Variants in CDK14 observed in about 807,000 individuals in gnomAD.
CDK14 encodes cyclin-dependent kinase 14.
CDK14 carries 34 observed loss-of-function variants against 60.7 expected under a neutral mutation model. That is an observed-to-expected ratio of 0.56 (90% CI 0.43 to 0.75). CDK14 has a LOEUF of 0.75. CDK14 is among the 30% of genes least tolerant of loss of function. CDK14 has a pLI of 0.00. For synonymous variants in CDK14, 197 were observed against 203.7 expected (o/e 0.97, Z 0.28); for missense variants, 482 against 564.1 (o/e 0.85, Z 1.47).
At chr7:90,833,781 G>A (rs1406042938) in intron 5 of CDK14, among the ~76,000 whole-genome samples, 4 of 152,012 alleles carry the variant, frequency 2.6e-5, no homozygotes, top group African/African-American at 4.8e-5. Flanking sequence ...TTCTACTTTC[G>A]AAGCTGGCAA....
chr7:90,811,309 G>A (rs199571535), intron 5 of CDK14, among the ~76,000 whole-genome samples: 64,626 of 150,122 alleles, frequency 0.43, 14,529 homozygotes, highest in East Asian at 0.81. Flanking sequence ...CAGAAATAAC[G>A]CCGCATATCT....
chr7:90,714,534 A>T (rs1467408039), intron 2 of CDK14, among the ~76,000 whole-genome samples: 1 of 152,098 alleles, frequency 6.6e-6, no homozygotes, highest in Non-Finnish European at 1.5e-5. Context: ...TTGGCTCTTT[A>T]TAATAGATGA....
At chr7:90,683,776 G>C (rs2116567359) in intron 2 of CDK14, among the ~76,000 whole-genome samples, 1 of 152,334 alleles carries the variant, frequency 6.6e-6, no homozygotes, top group African/African-American at 2.4e-5. Flanking sequence ...ACTCCAGCCT[G>C]GGCGACAGAG....
intron 2 of CDK14, among the ~76,000 whole-genome samples, chr7:90,621,979 A>G (rs1237836770): frequency 1.3e-5 from 2 of 152,130 alleles, no homozygotes; most frequent in Admixed American, 6.5e-5. Flanking sequence ...TTTGAAAGGG[A>G]ACATTGAAAG....
At chr7:91,049,330 G>A (rs1418377671) in intron 11 of CDK14, among the ~76,000 whole-genome samples, 1 of 152,154 alleles carries the variant, frequency 6.6e-6, no homozygotes, top group Non-Finnish European at 1.5e-5. Context: ...TTGCCTAACT[G>A]AATAAGTTTT....
At chr7:90,721,122 G>T (rs901812846) in intron 2 of CDK14, among the ~76,000 whole-genome samples, 16 of 152,122 alleles carry the variant, frequency 1.1e-4, no homozygotes, top group African/African-American at 3.4e-4. Flanking sequence ...CCTTTAGCCT[G>T]TTGCATTACA....
At chr7:90,809,456 G>T (rs909156165) in intron 5 of CDK14, among the ~76,000 whole-genome samples, 16 of 151,670 alleles carry the variant, frequency 1.1e-4, no homozygotes, top group Non-Finnish European at 2.2e-4. Flanking sequence ...AAAATCTCTG[G>T]GACACATTCA....
At chr7:90,840,908 GACATT>G (rs763921761) in intron 5 of CDK14, among the ~76,000 whole-genome samples, 4 of 12,718 alleles carry the variant, frequency 3.1e-4, no homozygotes, top group Non-Finnish European at 5.8e-4. Flanking sequence ...CTTTTTCATT[GACATT>G]GTGTCTGTTT....
intron 11 of CDK14, among the ~76,000 whole-genome samples, chr7:91,055,694 C>T (rs1384333463): frequency 6.6e-6 from 1 of 152,132 alleles, no homozygotes; most frequent in African/African-American, 2.4e-5. Context: ...TTCCAACCCA[C>T]CTAAGAGTAT....
intron 1 of CDK14, among the ~76,000 whole-genome samples, chr7:90,597,751 A>T (rs1799225066): frequency 6.6e-6 from 1 of 152,202 alleles, no homozygotes; most frequent in Admixed American, 6.5e-5. Context: ...CATGAGTGTT[A>T]CAGATATCCT....
intron 5 of CDK14, among the ~76,000 whole-genome samples, chr7:90,839,630 G>A (rs1024028087): frequency 2.0e-5 from 3 of 152,118 alleles, no homozygotes; most frequent in Non-Finnish European, 4.4e-5. Context: ...TTACATGTAA[G>A]AAACAAATAA....
intron 2 of CDK14, among the ~76,000 whole-genome samples, chr7:90,652,008 A>G (rs1309062823): frequency 6.6e-6 from 1 of 151,948 alleles, no homozygotes; most frequent in Non-Finnish European, 1.5e-5. Context: ...TCCTTTACAC[A>G]CTTCCCAGTG....
At chr7:90,898,012 C>T (rs188055500) in intron 6 of CDK14, among the ~76,000 whole-genome samples, 1 of 152,144 alleles carries the variant, frequency 6.6e-6, no homozygotes, top group Admixed American at 6.5e-5. Context: ...TTTTCTCTGA[C>T]CCATTTTCTT....
At chr7:91,043,940 A>G (rs143432413) in intron 10 of CDK14, among the ~76,000 whole-genome samples, 1 of 152,202 alleles carries the variant, frequency 6.6e-6, no homozygotes, top group Non-Finnish European at 1.5e-5. Flanking sequence ...AAATGCATGA[A>G]CAATTTGAGC....
intron 2 of CDK14, among the ~76,000 whole-genome samples, chr7:90,695,952 A>G (rs1801645937): frequency 6.6e-6 from 1 of 152,174 alleles, no homozygotes; most frequent in African/African-American, 2.4e-5. Context: ...CAGGATGGTG[A>G]TAATTAAAAA....
At chr7:91,129,816 T>G (rs745871473) in intron 14 of CDK14, among the ~76,000 whole-genome samples, 1 of 152,152 alleles carries the variant, frequency 6.6e-6, no homozygotes, top group Non-Finnish European at 1.5e-5. Flanking sequence ...TAAACAAATG[T>G]GATTTTTTTG....
At chr7:90,883,304 G>A (rs1207664177) in intron 6 of CDK14, among the ~76,000 whole-genome samples, 2 of 152,142 alleles carry the variant, frequency 1.3e-5, no homozygotes, top group African/African-American at 4.8e-5. Flanking sequence ...TACCATCAGA[G>A]AATACTATAA....
chr7:90,655,258 C>T (rs1800728162), intron 2 of CDK14, among the ~76,000 whole-genome samples: 1 of 152,018 alleles, frequency 6.6e-6, no homozygotes, highest in Non-Finnish European at 1.5e-5. Flanking sequence ...TTTGTTTTTC[C>T]ATTTACCTAT....
intron 14 of CDK14, among the ~76,000 whole-genome samples, chr7:91,182,449 T>G (rs1308259135): frequency 3.9e-5 from 6 of 152,040 alleles, no homozygotes; most frequent in Non-Finnish European, 5.9e-5. Flanking sequence ...AAAGTCAGAT[T>G]GATAAAATAA....
Sources: allele counts gnomAD v4.1 joint callset (sites outside exome capture counted in the v4.1 genomes callset), GRCh38; gene constraint gnomAD v4.1.1; transcripts MANE v1.5; gene names NCBI Gene and HGNC (gene_info 2026-07-23, HGNC 2026-07-21).